Variants in FIG4 observed in about 807,000 individuals in gnomAD.
FIG4 encodes the protein polyphosphoinositide phosphatase.
FIG4 carries 112 observed loss-of-function variants against 118.6 expected under a neutral mutation model. That is an observed-to-expected ratio of 0.94 (90% confidence interval 0.81 to 1.11). The LOEUF (loss-of-function observed/expected upper bound fraction) is 1.11, where lower values mean the gene tolerates loss of function less well. Ranked by LOEUF, FIG4 falls within the 50% of genes least tolerant of loss-of-function variation. The pLI, the probability that FIG4 is intolerant of heterozygous loss-of-function variation, is 0.00. For missense variants in FIG4, 969 were observed against 1,111.7 expected, an observed-to-expected ratio of 0.87 and a Z score of 1.83; for synonymous variants, 369 against 381.2, an observed-to-expected ratio of 0.97 and a Z score of 0.37.
chr6:109,730,326 G>A (rs1368318368), intron 4 of FIG4, among the ~76,000 whole-genome samples: 1 of 152,186 alleles, frequency 6.6e-6, no homozygotes, highest in Admixed American at 6.5e-5. Flanking sequence ...TGGGATTACA[G>A]ACATGAGCCA....
At chr6:109,778,684 T>C (rs908093771) in intron 16 of FIG4, among the ~76,000 whole-genome samples, 14 of 151,784 alleles carry the variant, frequency 9.2e-5, no homozygotes, top group South Asian at 2.1e-4. Context: ...CTGCAAGCTC[T>C]GCCTCCCGGG....
At position 109,778,340 on chromosome 6, in the gene FIG4, C is replaced by T. The variant is rs370422625; in HGVS notation, c.1889+1280C>T. On this transcript the variant is annotated intron_variant, in intron 16 of 22. Coordinates refer to ENST00000230124, the MANE Select transcript of FIG4 (RefSeq NM_014845.6). ...CAAAAAATAGCTGGGCATGGTGGTA[C>T]GTGCCTGTAATCCCAGCTACTCGGG... Among the ~76,000 whole-genome samples, 13 of 151,278 alleles carry T rather than the reference C, an allele frequency of 8.6e-5. No homozygotes were observed. The East Asian group carries it at 2.4e-3, about 28-fold the overall frequency.
chr6:109,720,286 A>G (rs1175199482), intron 3 of FIG4, among the ~76,000 whole-genome samples: 2 of 152,252 alleles, frequency 1.3e-5, no homozygotes, highest in Non-Finnish European at 2.9e-5. Flanking sequence ...GAAATTATTA[A>G]CACAAAATAC....
chr6:109,787,210 G>A (rs547343033), intron 18 of FIG4, among the ~76,000 whole-genome samples: 2 of 151,896 alleles, frequency 1.3e-5, no homozygotes, highest in Non-Finnish European at 2.9e-5. Context: ...AAAACGCTGG[G>A]ACCAGAATAA....
At chr6:109,754,448 G>A (rs1276166066) in intron 10 of FIG4, among the ~76,000 whole-genome samples, 1 of 152,184 alleles carries the variant, frequency 6.6e-6, no homozygotes, top group Non-Finnish European at 1.5e-5. Flanking sequence ...GATGATGCTG[G>A]CCTCATAAAA....
At chr6:109,759,382 G>A (rs879490371) in intron 10 of FIG4, among the ~76,000 whole-genome samples, 10 of 151,850 alleles carry the variant, frequency 6.6e-5, no homozygotes, top group African/African-American at 1.9e-4. Flanking sequence ...AAACTTGCAC[G>A]TTCTGCACAT....
At chr6:109,692,974 G>A (rs747653701) in intron 1 of FIG4, among the ~76,000 whole-genome samples, 11 of 152,140 alleles carry the variant, frequency 7.2e-5, no homozygotes, top group Non-Finnish European at 1.0e-4. Flanking sequence ...ATGAGCCACC[G>A]CATCTGGCCG....
At chr6:109,792,783 A>G in intron 21 of FIG4, 119 bp downstream of exon 21, 1 of 620,436 alleles carries the variant, frequency 1.6e-6, no homozygotes, top group Non-Finnish European at 2.8e-6. Context: ...TCTGTTGCCC[A>G]GGCTGTAGTG....
At chr6:109,776,040 G>A (rs996843739) in intron 15 of FIG4, among the ~76,000 whole-genome samples, 6 of 152,060 alleles carry the variant, frequency 3.9e-5, no homozygotes, top group African/African-American at 1.4e-4. Context: ...TTATATTGTG[G>A]ATGTCTGCCA....
At chr6:109,807,018 G>A (rs537913396) in intron 22 of FIG4, among the ~76,000 whole-genome samples, 18 of 152,252 alleles carry the variant, frequency 1.2e-4, no homozygotes, top group African/African-American at 4.3e-4. Flanking sequence ...TAGGCATTTG[G>A]TTTGGTTCCA....
Position 109,732,687 on chromosome 6 carries a change from G to T in FIG4, c.497G>T (p.Ser166Ile). 1 of 1,531,668 alleles carries T rather than the reference G, an allele frequency of 6.5e-7. No individual in the cohort carries two copies. The highest frequency in any genetic ancestry group is 1.1e-5 in the South Asian group (1 of 89,324). 94.9% of individuals were successfully genotyped at this position (1,531,668 alleles called of 1,614,324 possible). A position where few individuals can be genotyped will look rare whatever the true frequency, so the allele number is the denominator to read the frequency against. Residue 166 changes from serine (S) to isoleucine (I), a missense_variant and splice_region_variant, in exon 5 of 23, where the codon AGT becomes ATT. Around this residue, in one of 3 missense-constraint regions of FIG4, gnomAD observed 393 missense variants for 409.4 expected, o/e 0.96. Coordinates refer to ENST00000230124, the MANE Select transcript of FIG4 (RefSeq NM_014845.6). ...NVDLSSNFYF[S>I]YSYDLSHSLQ... ...GACCTATCTAGCAATTTTTACTTTA[G>T]GTAAGTGTGAGGTTAGTTTTGCTCC...
At chr6:109,766,338 C>T (rs915745793) in intron 14 of FIG4, among the ~76,000 whole-genome samples, 28 of 152,262 alleles carry the variant, frequency 1.8e-4, no homozygotes, top group African/African-American at 6.7e-4. Context: ...TGCAGCAGCT[C>T]GAATGGACTG....
intron 18 of FIG4, among the ~76,000 whole-genome samples, chr6:109,788,561 A>G (rs1212045275): frequency 6.6e-6 from 1 of 152,224 alleles, no homozygotes; most frequent in Non-Finnish European, 1.5e-5. Context: ...GTACATGCAC[A>G]TGTCTGCAGT....
At chr6:109,741,809 C>T (rs1224984552) in intron 8 of FIG4, among the ~76,000 whole-genome samples, 2 of 152,092 alleles carry the variant, frequency 1.3e-5, no homozygotes, top group Non-Finnish European at 2.9e-5. Flanking sequence ...TTTAAATCAT[C>T]TCTAGATTAC....
intron 22 of FIG4, among the ~76,000 whole-genome samples, chr6:109,800,998 T>C (rs1386936820): frequency 6.6e-6 from 1 of 152,166 alleles, no homozygotes; most frequent in Non-Finnish European, 1.5e-5. Context: ...ACTATATTCG[T>C]GCAAGACCAA....
At position 109,731,870 on chromosome 6, in the gene FIG4, A is replaced by G. The variant is rs144245909; in HGVS notation, c.447-767A>G. 5.3e-3 allele frequency among the ~76,000 whole-genome samples: 804 copies of G among 152,318 alleles called. 9 individuals carry two copies. The highest frequency in any genetic ancestry group is 0.019 in the African/African-American group (777 of 41,580). On this transcript the variant is annotated intron_variant, in intron 4 of 22. Coordinates refer to ENST00000230124, the MANE Select transcript of FIG4 (RefSeq NM_014845.6). ...ATTACAAAGTGAACAAATTAAATCT[A>G]TAACTTTCAACGTAACTAGGTTTCA...
chr6:109,764,792 C>T (rs1777230175), intron 13 of FIG4, among the ~76,000 whole-genome samples: 1 of 152,206 alleles, frequency 6.6e-6, no homozygotes, highest in Admixed American at 6.5e-5. Context: ...GGTGCTGTTA[C>T]AGCAATGTAT....
intron 10 of FIG4, among the ~76,000 whole-genome samples, chr6:109,750,345 A>G (rs1034671825): frequency 2.6e-5 from 4 of 152,166 alleles, no homozygotes; most frequent in African/African-American, 9.7e-5. Context: ...ACCCTTTGAA[A>G]TGATATGCAG....
chr6:109,704,940 C>T (rs1775020150), intron 1 of FIG4, among the ~76,000 whole-genome samples: 1 of 151,966 alleles, frequency 6.6e-6, no homozygotes, highest in Non-Finnish European at 1.5e-5. Flanking sequence ...GTTACGATAC[C>T]TGCAACTCAT....
Sources: gnomAD v4.1 joint callset for allele counts (sites outside exome capture counted in the v4.1 genomes callset) on GRCh38, gnomAD v4.1.1 for gene constraint, gnomAD v4.1.1 regional missense constraint, MANE v1.5 for transcripts, NCBI Gene and HGNC (gene_info 2026-07-23, HGNC 2026-07-21) for gene names.